The following CUZD1 variants were observed in gnomAD, a reference collection of about 807,000 sequenced individuals.
The protein encoded by CUZD1 is CUB and zona pellucida-like domain-containing protein 1.
A neutral mutation model predicts 53.1 loss-of-function variants in CUZD1; 42 were observed. That is an observed-to-expected ratio of 0.79 (90% CI 0.62 to 1.02). The LOEUF is 1.02. Ranked by LOEUF, CUZD1 falls within the 50% of genes least tolerant of loss-of-function variation. The probability of loss-of-function intolerance (pLI) is 0.00; values close to 1 mark genes in which losing one functional copy is unlikely to be tolerated. For synonymous variants in CUZD1, 238 were observed against 257.2 expected, an observed-to-expected ratio of 0.93 and a Z score of 0.71; for missense variants, 670 against 715.7, an observed-to-expected ratio of 0.94 and a Z score of 0.73.
chr10:122,844,450 A>AT (rs1566239776), intron 1 of CUZD1, among the ~76,000 whole-genome samples: 2 of 152,176 alleles, frequency 1.3e-5, no homozygotes, highest in Admixed American at 1.3e-4. Flanking sequence ...AAAATGGTGG[A>AT]TTTTATGGTA....
In CUZD1 at chr10:122,833,732, T is replaced by C. The variant is rs1847196042; in HGVS notation, c.1591A>G (p.Thr531Ala). Residue 531 changes from threonine (T) to alanine (A), a missense_variant, in exon 8 of 9, where the codon ACA becomes GCA. Thr to Ala is a moderately conservative substitution (Grantham distance 58, BLOSUM62 0). Transcript: ENST00000392790. ...KRDISSYKWK[T>A]DSIIGPIRLK... ...CGAATGGGTCCTATGATGGAATCTG[T>C]TTTCCATTTATATGAAGAAATGTCT... 3.7e-6 allele frequency: 6 copies of C among 1,613,938 alleles called. No individual in the cohort carries two copies. Among genetic ancestry groups the C allele is most frequent in the Non-Finnish European group, 5.1e-6 (6 of 1,179,950 alleles).
chr10:122,845,076 C>CT (rs34468840), intron 1 of CUZD1, among the ~76,000 whole-genome samples: 3,931 of 141,964 alleles, frequency 0.028, 69 homozygotes, highest in Non-Finnish European at 0.041. Flanking sequence ...AGATCAGAGT[C>CT]TTTTTTTTTT....
chr10:122,844,289 GC>G (rs1566239637), intron 1 of CUZD1, among the ~76,000 whole-genome samples: 1 of 152,084 alleles, frequency 6.6e-6, no homozygotes, highest in South Asian at 2.1e-4. Context: ...TCCCATGTCA[GC>G]CCCCCAAAGT....
chr10:122,832,677 C>T (rs1006916646), intron 8 of CUZD1, among the ~76,000 whole-genome samples: 14 of 151,604 alleles, frequency 9.2e-5, no homozygotes, highest in African/African-American at 2.2e-4. Context: ...TTTGATTTCT[C>T]GGTATCACAT....
At chr10:122,839,761 G>A (rs1346314327) in intron 2 of CUZD1, among the ~76,000 whole-genome samples, 2 of 152,320 alleles carry the variant, frequency 1.3e-5, no homozygotes, top group East Asian at 3.9e-4. Context: ...GCCCAGGGTT[G>A]TAGTTTGCTG....
chr10:122,837,098 C>A (rs1847266313), intron 4 of CUZD1, 50 bp from the exon 5 acceptor site: 3 of 1,324,068 alleles, frequency 2.3e-6, no homozygotes, highest in Middle Eastern at 1.9e-4. Context: ...CAATTCAATT[C>A]TATTTTCTAA....
chr10:122,835,140 G>A (rs773814328), intron 6 of CUZD1, 43 bp from the exon 7 acceptor site: 50 of 1,456,868 alleles, frequency 3.4e-5, no homozygotes, highest in East Asian at 6.9e-5. Context: ...TTTAAGTCCA[G>A]TAATATTTTA....
Position 122,835,233 on chromosome 10 carries a change from T to C in CUZD1, c.991-136A>G, listed in dbSNP as rs139195508. Reference sequence around the variant, plus strand: ...TAACAGCTTTCATGTCAGAATACTATAAACCTTAAATGTATTTCATTGAAG... The same window carrying C: ...TAACAGCTTTCATGTCAGAATACTACAAACCTTAAATGTATTTCATTGAAG... On this transcript the variant is annotated intron_variant, in intron 6 of 8. Transcript: ENST00000392790. 9.1e-4 allele frequency: 503 copies of C among 550,318 alleles called. 1 individual carries two copies. The highest frequency in any genetic ancestry group is 7.9e-3 in the African/African-American group (411 of 52,122). 34.1% of individuals were successfully genotyped at this position (550,318 alleles called of 1,614,324 possible).
chr10:122,838,960 G>C, intron 3 of CUZD1, 57 bp downstream of exon 3: 1 of 1,302,164 alleles, frequency 7.7e-7, no homozygotes, highest in Non-Finnish European at 1.1e-6. Context: ...GGACAGAAGA[G>C]TGTGTAACCT....
chr10:122,841,111 C>T, intron 2 of CUZD1, 67 bp downstream of exon 2: 7 of 1,449,354 alleles, frequency 4.8e-6, no homozygotes, highest in Non-Finnish European at 6.6e-6. Context: ...TACAGAGAGT[C>T]CCCCTACCCA....
In CUZD1 at chr10:122,839,135, G is replaced by A. The variant is rs748771496; in HGVS notation, c.330C>T (p.Asn110=). 25 of 1,614,002 alleles carry A rather than the reference G, an allele frequency of 1.5e-5. No individual in the cohort carries two copies. The highest frequency in any genetic ancestry group is 3.3e-4 in the Middle Eastern group (2 of 6,084). Residue 110 remains asparagine, a synonymous_variant, in exon 3 of 9, where the codon AAC becomes AAT. Coordinates refer to ENST00000392790, the MANE Select transcript of CUZD1 (RefSeq NM_022034.6). ...ATGATTCAAATACAGGAACATAGTC[G>A]TTTTTACTGCAGACTTGCCCTAGCA... The part of the protein sequence containing the change: ...GPLLGQVCSK[N]DYVPVFESSS...
intron 1 of CUZD1, 99 bp downstream of exon 1, chr10:122,845,663 G>A (rs1847425935): frequency 2.3e-6 from 2 of 880,462 alleles, no homozygotes; most frequent in South Asian, 3.3e-5. Flanking sequence ...TCTCTGAACT[G>A]GGGCCAACAG....
chr10:122,837,147 T>C (rs116924368), intron 4 of CUZD1, 99 bp from the exon 5 acceptor site: 23,601 of 1,044,522 alleles, frequency 0.023, 348 homozygotes, highest in Non-Finnish European at 0.027. Context: ...TATGGATTTT[T>C]TTTTTCCTTC....
rs1007671991 is a variant in CUZD1 at position 122,836,354 on chromosome 10, T to C, written c.818-4A>G. On this transcript the variant is annotated splice_polypyrimidine_tract_variant and splice_region_variant and intron_variant, in intron 5 of 8. Transcript: ENST00000392790. ...TCAGAAGAGCAAGTTAAAGATGCTG[T>C]CAGGAAAAAAAAAAAAAAAAGAATG... The C allele has an allele frequency of 1.0e-5, 14 of 1,374,576 alleles. No individual in the cohort carries two copies. The African/African-American group carries it at 3.1e-4, about 31-fold the overall frequency. The allele number at this position is 1,374,576 out of a possible 1,614,324, so 85.1% of individuals were successfully genotyped here.
chr10:122,833,367 C>T (rs1847188552), intron 8 of CUZD1, among the ~76,000 whole-genome samples: 1 of 151,848 alleles, frequency 6.6e-6, no homozygotes, highest in Admixed American at 6.6e-5. Context: ...TCTGCTATGC[C>T]ATCTATAATA....
chr10:122,832,451 C>T lies in CUZD1; in HGVS notation c.1652-1G>A. On this transcript the variant is annotated splice_acceptor_variant, in intron 8 of 8. Coordinates refer to ENST00000392790, the MANE Select transcript of CUZD1 (RefSeq NM_022034.6). LOFTEE classifies it high-confidence loss of function. The stretch of plus-strand genomic sequence containing the variant: ...TCCGCATGTGTTTCATGCTGAAATC[C>T]TAAAATTGGAAACAAGATGAAAATC... 6.2e-7 allele frequency: 1 copy of T among 1,611,752 alleles called. No individual in the cohort carries two copies. The highest frequency in any genetic ancestry group is 8.5e-7 in the Non-Finnish European group (1 of 1,179,012).
Position 122,839,005 on chromosome 10 carries a change from A to G in CUZD1, c.448+12T>C. The G allele has an allele frequency of 1.3e-6, 2 of 1,597,558 alleles. No individual in the cohort carries two copies. The highest frequency in any genetic ancestry group is 1.7e-6 in the Non-Finnish European group (2 of 1,165,060). On this transcript the variant is annotated intron_variant, in intron 3 of 8. Coordinates refer to ENST00000392790, the MANE Select transcript of CUZD1 (RefSeq NM_022034.6). The stretch of plus-strand genomic sequence containing the variant: ...GGAGATGTGGGTGAAGGTTGTGTAA[A>G]TGAGGACTTACAGATGTTAGGAGAG...
intron 8 of CUZD1, 21 bp downstream of exon 8, chr10:122,833,651 A>G: frequency 1.9e-6 from 3 of 1,607,786 alleles, no homozygotes; most frequent in East Asian, 2.2e-5. Flanking sequence ...CTTTTGGATC[A>G]TGGAATAGCT....
At position 122,839,014 on chromosome 10, in the gene CUZD1, T is replaced by G; in HGVS notation, c.448+3A>C. 6.2e-7 allele frequency: 1 copy of G among 1,610,674 alleles called. No homozygotes were observed. Among genetic ancestry groups the G allele is most frequent in the Non-Finnish European group, 8.5e-7 (1 of 1,176,926 alleles). ...GGTGAAGGTTGTGTAAATGAGGACT[T>G]ACAGATGTTAGGAGAGAAGAAGTAG... On this transcript the variant is annotated splice_donor_region_variant and intron_variant, in intron 3 of 8. Transcript: ENST00000392790.
Sources: allele counts gnomAD v4.1 joint callset (sites outside exome capture counted in the v4.1 genomes callset), GRCh38; gene constraint gnomAD v4.1.1; transcripts MANE v1.5; gene names NCBI Gene and HGNC (gene_info 2026-07-23, HGNC 2026-07-21).